Variants in KANSL1 observed in about 807,000 individuals in gnomAD.
KANSL1 encodes KAT8 regulatory NSL complex subunit 1.
In KANSL1, 22 loss-of-function variants were observed where a neutral mutation model predicts 103.6. The observed-to-expected ratio is 0.21, with a 90% CI of 0.15 to 0.30. KANSL1 has a LOEUF of 0.30. Ranked by LOEUF, KANSL1 falls within the 10% of genes least tolerant of loss-of-function variation. The pLI is 1.00. For missense variants in KANSL1, 1,337 were observed against 1,399.8 expected, an observed-to-expected ratio of 0.96 and a Z score of 0.72; for synonymous variants, 600 against 527.6, an observed-to-expected ratio of 1.14 and a Z score of -1.88.
chr17:46,149,745 C>T (rs1346874751), intron 2 of KANSL1, among the ~76,000 whole-genome samples: 3 of 152,078 alleles, frequency 2.0e-5, no homozygotes, highest in Non-Finnish European at 2.9e-5. Flanking sequence ...CGGTGGCTCA[C>T]GCCTGTAATG....
At chr17:46,157,444 A>C (rs1169408516) in intron 2 of KANSL1, among the ~76,000 whole-genome samples, 2 of 152,370 alleles carry the variant, frequency 1.3e-5, no homozygotes, top group East Asian at 3.9e-4. Flanking sequence ...ATTGCTTTGG[A>C]CATTATGGAA....
At chr17:46,224,083 T>A (rs1330554880), upstream of KANSL1, among the ~76,000 whole-genome samples, 9 of 152,102 alleles carry the variant, frequency 5.9e-5, no homozygotes, top group Admixed American at 5.2e-4. Flanking sequence ...AATAAAGTAA[T>A]TTTCCAGGGT....
chr17:46,179,155 A>G (rs1037388734), intron 1 of KANSL1, among the ~76,000 whole-genome samples: 5 of 151,892 alleles, frequency 3.3e-5, no homozygotes, highest in South Asian at 2.1e-4. Flanking sequence ...GTCTCCAGAC[A>G]TGTCAAATAT....
At chr17:46,048,789 T>G (rs2077603337) in intron 7 of KANSL1, among the ~76,000 whole-genome samples, 1 of 152,240 alleles carries the variant, frequency 6.6e-6, no homozygotes, top group Non-Finnish European at 1.5e-5. Context: ...TTCAGATAGT[T>G]GTAAAGATTA....
rs905971553 is a variant in KANSL1 at position 46,031,325 on chromosome 17, GAA to G, written c.*149_*150del. Reference sequence around the variant, plus strand: ...AAAAACAAAACAAAAATTAAAACAAGAAAAAAAAATACCAAAGTAGGATCTAA... The same window carrying G: ...AAAAACAAAACAAAAATTAAAACAAGAAAAAAATACCAAAGTAGGATCTAA... On this transcript the variant is annotated 3_prime_UTR_variant, in exon 15 of 15. Coordinates refer to ENST00000432791, the MANE Select transcript of KANSL1 (RefSeq NM_015443.4). 3.9e-6 allele frequency: 3 copies of G among 764,434 alleles called. No individual in the cohort carries two copies. In the African/African-American group the frequency reaches 5.3e-5, roughly 14 times the overall value. 47.4% of individuals were successfully genotyped at this position (764,434 alleles called of 1,614,324 possible).
rs2047437484 is a variant in KANSL1 at position 46,193,126 on chromosome 17, G to A, written c.-393C>T. 1 of 152,182 alleles carries A rather than the reference G, an allele frequency of 6.6e-6. No homozygotes were observed. Among genetic ancestry groups the A allele is most frequent in the Non-Finnish European group, 1.5e-5 (1 of 68,342 alleles). The allele number at this position is 152,182 out of a possible 1,614,324, so 9.4% of individuals were successfully genotyped here. ...GGCCCGAGCACGGCTGGAGACCGCA[G>A]CCCGGCCGGGAGGGCGGGCGGGCGG... On this transcript the variant is annotated 5_prime_UTR_variant, in exon 1 of 15. Transcript: ENST00000432791.
At chr17:46,129,697 C>G (rs1245911331) in intron 2 of KANSL1, among the ~76,000 whole-genome samples, 1 of 152,110 alleles carries the variant, frequency 6.6e-6, no homozygotes, top group African/African-American at 2.4e-5. Context: ...TAATTCAAAG[C>G]CTACTCTAAG....
At chr17:46,155,214 G>C (rs891580972) in intron 2 of KANSL1, among the ~76,000 whole-genome samples, 2 of 134,230 alleles carry the variant, frequency 1.5e-5, no homozygotes, top group African/African-American at 5.8e-5. Flanking sequence ...CCAGGCTGTA[G>C]TGTTGCCATC....
intron 6 of KANSL1, among the ~76,000 whole-genome samples, chr17:46,057,860 C>T (rs893720689): frequency 6.6e-6 from 1 of 152,104 alleles, no homozygotes; most frequent in Non-Finnish European, 1.5e-5. Flanking sequence ...ACAGTGACAC[C>T]ACAGGACTTC....
chr17:46,116,069 TATAAA>T (rs1193003438), intron 2 of KANSL1, among the ~76,000 whole-genome samples: 1 of 152,234 alleles, frequency 6.6e-6, no homozygotes, highest in African/African-American at 2.4e-5. Context: ...CCAAGCCTCT[TATAAA>T]TAAGTCAACT....
At chr17:46,074,494 A>C (rs2078687791) in intron 4 of KANSL1, among the ~76,000 whole-genome samples, 1 of 152,180 alleles carries the variant, frequency 6.6e-6, no homozygotes, top group Non-Finnish European at 1.5e-5. Context: ...ATCAGTGAAC[A>C]ATAAAATTAT....
chr17:46,072,171 C>G (rs12150627), intron 4 of KANSL1, among the ~76,000 whole-genome samples: 21,785 of 151,974 alleles, frequency 0.14, 2,127 homozygotes, highest in Non-Finnish European at 0.22. Context: ...TTACGGGGGT[C>G]GTTTTTTCTA....
At chr17:46,095,529 T>A (rs1281200220) in intron 2 of KANSL1, among the ~76,000 whole-genome samples, 1 of 152,186 alleles carries the variant, frequency 6.6e-6, no homozygotes, top group Non-Finnish European at 1.5e-5. Flanking sequence ...CAATAAATAG[T>A]ACTAAACTGG....
chr17:46,206,995 G>A (rs2047990323), intron 1 of KANSL1, among the ~76,000 whole-genome samples: 1 of 151,984 alleles, frequency 6.6e-6, no homozygotes. Flanking sequence ...TTTTAAAATG[G>A]GCAAAGGCTG....
At chr17:46,144,089 T>TG (rs1054004263) in intron 2 of KANSL1, among the ~76,000 whole-genome samples, 80 of 152,256 alleles carry the variant, frequency 5.3e-4, no homozygotes, top group Middle Eastern at 3.4e-3. Flanking sequence ...TACTTTGTCA[T>TG]GGGGGGGAAA....
At chr17:46,185,276 G>A (rs1024022154) in intron 1 of KANSL1, among the ~76,000 whole-genome samples, 8 of 152,330 alleles carry the variant, frequency 5.3e-5, no homozygotes, top group African/African-American at 1.9e-4. Flanking sequence ...CCATTAGGAC[G>A]TTAATGGGGA....
intron 6 of KANSL1, among the ~76,000 whole-genome samples, chr17:46,060,674 T>C (rs1232180947): frequency 6.6e-6 from 1 of 152,228 alleles, no homozygotes; most frequent in Admixed American, 6.5e-5. Context: ...TACTGACTCA[T>C]ATTCTAGTTC....
At chr17:46,167,866 A>AC (rs1400459273) in intron 2 of KANSL1, among the ~76,000 whole-genome samples, 1 of 152,268 alleles carries the variant, frequency 6.6e-6, no homozygotes, top group African/African-American at 2.4e-5. Flanking sequence ...AAAGAAAAAA[A>AC]CAATTGAATT....
chr17:46,171,666 T>G lies in KANSL1; in HGVS notation c.478A>C (p.Lys160Gln). The G allele has an allele frequency of 6.4e-7, 1 of 1,552,362 alleles. No individual in the cohort carries two copies. The highest frequency in any genetic ancestry group is 8.7e-7 in the Non-Finnish European group (1 of 1,153,810). The change falls in exon 2 of 15, where the codon AAA becomes CAA. Residue 160 changes from lysine to glutamine, a missense_variant. By Grantham distance (53) the Lys-to-Gln change is moderately conservative. Around this residue, in one of 2 missense-constraint regions of KANSL1, gnomAD observed 557 missense variants for 476.4 expected, o/e 1.17. Coordinates refer to ENST00000432791, the MANE Select transcript of KANSL1 (RefSeq NM_015443.4). ...PQAPVNGLAK[K>Q]LTKSSTHSDH... ...GAATGTGTTGAACTTTTAGTCAATTTCTTAGCCAACCCATTTACAGGTGCT... is the reference window on the plus strand; with the variant it reads ...GAATGTGTTGAACTTTTAGTCAATTGCTTAGCCAACCCATTTACAGGTGCT...
Sources: gnomAD v4.1 joint callset for allele counts (sites outside exome capture counted in the v4.1 genomes callset) on GRCh38, gnomAD v4.1.1 for gene constraint, gnomAD v4.1.1 regional missense constraint, MANE v1.5 for transcripts, NCBI Gene and HGNC (gene_info 2026-07-23, HGNC 2026-07-21) for gene names.